CD55: variants seen among roughly 807,000 people sequenced by gnomAD.
CD55 encodes the protein complement decay-accelerating factor.
A neutral mutation model predicts 45.8 loss-of-function variants in CD55; 41 were observed. That is an observed-to-expected ratio of 0.90 (90% CI 0.70 to 1.16). The LOEUF (loss-of-function observed/expected upper bound fraction) is 1.16, where lower values mean the gene tolerates loss of function less well. CD55 is among the 50% of genes most tolerant of loss of function. CD55 has a pLI of 0.00. For synonymous variants in CD55, 181 were observed against 181.1 expected (o/e 1.00, Z 0.01); for missense variants, 416 against 469.8 (o/e 0.89, Z 1.06).
chr1:207,354,068 G>A (rs144683597), intron 9 of CD55: 57 of 1,535,166 alleles, frequency 3.7e-5, no homozygotes, highest in Non-Finnish European at 4.9e-5. Context: ...AAAAGATGAT[G>A]TGCATCCTCT....
intron 3 of CD55, among the ~76,000 whole-genome samples, chr1:207,325,216 T>A (rs1469671347): frequency 2.0e-5 from 3 of 151,528 alleles, no homozygotes; most frequent in African/African-American, 7.3e-5. Flanking sequence ...ATGCCTGTAA[T>A]CCCAGCTTCT....
At chr1:207,352,078 G>T (rs1188511184) in intron 9 of CD55, among the ~76,000 whole-genome samples, 3 of 152,120 alleles carry the variant, frequency 2.0e-5, no homozygotes, top group Non-Finnish European at 4.4e-5. Flanking sequence ...TGATACAGAT[G>T]ATCTTTGAAT....
chr1:207,337,445 T>A (rs1287892199), intron 8 of CD55, 36 bp downstream of exon 8: 1 of 1,086,308 alleles, frequency 9.2e-7, no homozygotes, highest in Non-Finnish European at 1.4e-6. Context: ...TGAGTATGGA[T>A]CTAATGTGCT....
At chr1:207,358,385 A>G (rs1326988297) in intron 9 of CD55, 1 of 152,204 alleles carries the variant, frequency 6.6e-6, no homozygotes, top group Non-Finnish European at 1.5e-5. Context: ...TATTTCTTTT[A>G]GAAGAGTTAG....
intron 6 of CD55, among the ~76,000 whole-genome samples, chr1:207,332,983 C>T (rs1040691434): frequency 6.6e-6 from 1 of 152,036 alleles, no homozygotes; most frequent in Non-Finnish European, 1.5e-5. Flanking sequence ...ACCAGCAAAG[C>T]TTTAATGGTT....
intron 7 of CD55, chr1:207,337,033 CCTACCAA>C: frequency 1.6e-6 from 1 of 629,006 alleles, no homozygotes; most frequent in Non-Finnish European, 2.8e-6. Context: ...CTACAGGAAC[CCTACCAA>C]CTCTTCAGAA....
At chr1:207,357,937 A>G (rs1656139505) in intron 9 of CD55, among the ~76,000 whole-genome samples, 1 of 152,220 alleles carries the variant, frequency 6.6e-6, no homozygotes, top group African/African-American at 2.4e-5. Context: ...AATTTATTGT[A>G]GCAAAAGTTA....
intron 6 of CD55, among the ~76,000 whole-genome samples, chr1:207,332,422 A>G (rs1654989312): frequency 6.6e-6 from 1 of 152,268 alleles, no homozygotes; most frequent in South Asian, 2.1e-4. Context: ...TAACAAAGGT[A>G]TGTGAATTAC....
At chr1:207,341,789 A>G (rs1655438707) in intron 9 of CD55, among the ~76,000 whole-genome samples, 1 of 151,620 alleles carries the variant, frequency 6.6e-6, no homozygotes, top group African/African-American at 2.4e-5. Flanking sequence ...GAAAAATGGC[A>G]TTGATATCTT....
At chr1:207,338,261 A>G (rs1315521018) in intron 8 of CD55, among the ~76,000 whole-genome samples, 1 of 152,128 alleles carries the variant, frequency 6.6e-6, no homozygotes, top group Non-Finnish European at 1.5e-5. Flanking sequence ...GAAACTGTGT[A>G]TGTTTCATTA....
chr1:207,350,137 G>A (rs1050988452), intron 9 of CD55: 1 of 453,830 alleles, frequency 2.2e-6, no homozygotes, highest in African/African-American at 2.0e-5. Flanking sequence ...TTTGTTTGTA[G>A]TTCTGTTTAT....
chr1:207,334,146 C>A (rs896985993), intron 6 of CD55, among the ~76,000 whole-genome samples: 2 of 151,926 alleles, frequency 1.3e-5, no homozygotes. Context: ...GTAGCAAAAA[C>A]AAACAACAAA....
intron 6 of CD55, among the ~76,000 whole-genome samples, chr1:207,333,534 AG>A (rs1271355825): frequency 1.3e-5 from 2 of 152,256 alleles, no homozygotes; most frequent in African/African-American, 2.4e-5. Flanking sequence ...ATACAACAAA[AG>A]ACTGTTAGAT....
rs745630946 is a variant in CD55, at chr1:207,337,396, T to C, written c.1047T>C (p.Ser349=). ...HFHETTPNKG[S]GTTSGTTRLL... is the part of the protein sequence containing the mutation. The stretch of plus-strand genomic sequence containing the variant: ...ATGAAACAACCCCAAATAAAGGAAG[T>C]GGAACCACTTCAGGTCAGTTGACAC... Residue 349 remains serine (S), a synonymous_variant, in exon 8 of 10, where the codon AGT becomes AGC. Transcript: ENST00000367064. 5.6e-6 allele frequency: 9 copies of C among 1,595,208 alleles called. No homozygotes were observed. In the Admixed American group the frequency reaches 6.7e-5, roughly 12 times the overall value.
At chr1:207,351,994 T>G (rs1655885204) in intron 9 of CD55, among the ~76,000 whole-genome samples, 1 of 152,176 alleles carries the variant, frequency 6.6e-6, no homozygotes, top group Non-Finnish European at 1.5e-5. Flanking sequence ...TGAATGAGGT[T>G]ACTCTTCTTT....
intron 9 of CD55, among the ~76,000 whole-genome samples, chr1:207,345,789 T>C (rs1457801471): frequency 6.6e-6 from 1 of 152,246 alleles, no homozygotes; most frequent in Non-Finnish European, 1.5e-5. Context: ...GCACTTTGGC[T>C]TTAATTCTGG....
chr1:207,334,708 C>T (rs1355967818), intron 6 of CD55, among the ~76,000 whole-genome samples: 2 of 151,872 alleles, frequency 1.3e-5, no homozygotes, highest in Non-Finnish European at 2.9e-5. Flanking sequence ...ACATAAATCA[C>T]AAGCTAATAA....
intron 5 of CD55, among the ~76,000 whole-genome samples, chr1:207,329,190 G>A (rs997111407): frequency 6.6e-6 from 1 of 152,198 alleles, no homozygotes; most frequent in Non-Finnish European, 1.5e-5. Flanking sequence ...GAATGGAGGA[G>A]AAGTCGTAGG....
intron 1 of CD55, chr1:207,322,095 G>T: frequency 1.6e-6 from 1 of 619,924 alleles, no homozygotes. Context: ...GAGGGTTAAA[G>T]AGGCCCCGGC....
Sources: gnomAD v4.1 joint callset for allele counts (sites outside exome capture counted in the v4.1 genomes callset) on GRCh38, gnomAD v4.1.1 for gene constraint, MANE v1.5 for transcripts, NCBI Gene and HGNC (gene_info 2026-07-23, HGNC 2026-07-21) for gene names.